Variants in CADM1 observed in about 807,000 individuals in gnomAD.
CADM1 encodes cell adhesion molecule 1.
CADM1 carries 15 observed loss-of-function variants against 53.1 expected under a neutral mutation model. The ratio of observed to expected loss-of-function variants is 0.28; its 90% CI spans 0.19 to 0.44. The LOEUF is 0.44. Among genes scored for constraint, CADM1 ranks in the 20% least tolerant of loss-of-function variants. The probability of loss-of-function intolerance (pLI) is 1.00; values close to 1 mark genes in which losing one functional copy is unlikely to be tolerated. For synonymous variants in CADM1, 281 were observed against 243.0 expected, an observed-to-expected ratio of 1.16 and a Z score of -1.45; for missense variants, 434 against 611.3, an observed-to-expected ratio of 0.71 and a Z score of 3.06.
intron 1 of CADM1, among the ~76,000 whole-genome samples, chr11:115,389,146 CAGAG>C (rs1181050746): frequency 1.3e-5 from 2 of 151,980 alleles, no homozygotes; most frequent in Non-Finnish European, 2.9e-5. Context: ...GTGAAAAAGA[CAGAG>C]GGAGAGTTCA....
intron 1 of CADM1, 56 bp downstream of exon 1, chr11:115,504,215 G>A: frequency 6.4e-7 from 1 of 1,555,436 alleles, no homozygotes; most frequent in Non-Finnish European, 8.7e-7. Flanking sequence ...CTGTGGCCAA[G>A]GCTACTGGGG....
intron 1 of CADM1, among the ~76,000 whole-genome samples, chr11:115,386,375 CAAAG>C (rs1946698777): frequency 6.6e-6 from 1 of 152,106 alleles, no homozygotes; most frequent in Admixed American, 6.5e-5. Flanking sequence ...GTTAAAAAAA[CAAAG>C]ACACATGTCT....
At chr11:115,219,567 T>C (rs1047548228) in intron 5 of CADM1, among the ~76,000 whole-genome samples, 2 of 152,162 alleles carry the variant, frequency 1.3e-5, no homozygotes, top group African/African-American at 4.8e-5. Flanking sequence ...CTTGGACACG[T>C]TGGCAAAGAA....
At chr11:115,434,861 T>TA (rs1948145111) in intron 1 of CADM1, among the ~76,000 whole-genome samples, 1 of 59,724 alleles carries the variant, frequency 1.7e-5, no homozygotes, top group South Asian at 4.0e-4. Flanking sequence ...ATTATTATTA[T>TA]TATTTTTTTT....
intron 8 of CADM1, among the ~76,000 whole-genome samples, chr11:115,207,049 C>A (rs1940732974): frequency 6.6e-6 from 1 of 151,974 alleles, no homozygotes; most frequent in African/African-American, 2.4e-5. Flanking sequence ...ATGTTAAATT[C>A]TACAAGTGTA....
At chr11:115,299,062 T>C (rs2135130526) in intron 1 of CADM1, among the ~76,000 whole-genome samples, 1 of 152,334 alleles carries the variant, frequency 6.6e-6, no homozygotes, top group South Asian at 2.1e-4. Context: ...TTTCAAGATA[T>C]CACTAACTCA....
chr11:115,286,703 AG>A (rs1943737590), intron 1 of CADM1, among the ~76,000 whole-genome samples: 1 of 152,172 alleles, frequency 6.6e-6, no homozygotes, highest in Non-Finnish European at 1.5e-5. Context: ...TGTTCTGCAT[AG>A]GGCCTGTCTT....
At chr11:115,238,419 C>T (rs1379524721) in intron 3 of CADM1, 81 bp downstream of exon 3, 1 of 1,437,968 alleles carries the variant, frequency 7.0e-7, no homozygotes, top group Non-Finnish European at 9.8e-7. Flanking sequence ...CAGGAGAATT[C>T]ACCATTAACC....
At chr11:115,391,945 G>A (rs1470472383) in intron 1 of CADM1, among the ~76,000 whole-genome samples, 1 of 152,112 alleles carries the variant, frequency 6.6e-6, no homozygotes, top group Non-Finnish European at 1.5e-5. Flanking sequence ...ACAGAGCACA[G>A]AATTAAATCT....
In CADM1 at chr11:115,308,211, T is replaced by TATATATATATATATATACAC. The variant is rs139012671; in HGVS notation, c.125-67792_125-67791insGTGTATATATATATATATAT. Among the ~76,000 whole-genome samples the TATATATATATATATATACAC allele has an allele frequency of 2.7e-3, 378 of 139,396 alleles. 2 individuals carry two copies. The highest frequency in any genetic ancestry group is 0.011 in the Middle Eastern group (3 of 276). 91.4% of individuals were successfully genotyped at this position (139,396 alleles called of 152,430 possible). On this transcript the variant is annotated intron_variant, in intron 1 of 11. Coordinates refer to ENST00000331581, the MANE Select transcript of CADM1 (RefSeq NM_001301043.2). Reference sequence around the variant, plus strand: ...ATAGGTGTGTATATATATATATATATACACACCTATGAGAAGGTTTTTGTC... The same window carrying TATATATATATATATATACAC: ...ATAGGTGTGTATATATATATATATATATATATATATATATATACACACACACCTATGAGAAGGTTTTTGTC...
At chr11:115,422,236 C>A (rs2135272618) in intron 1 of CADM1, among the ~76,000 whole-genome samples, 1 of 152,258 alleles carries the variant, frequency 6.6e-6, no homozygotes, top group South Asian at 2.1e-4. Flanking sequence ...CGCTCTCAGA[C>A]AGACTATTTC....
At chr11:115,431,517 C>T (rs1463320585) in intron 1 of CADM1, among the ~76,000 whole-genome samples, 1 of 152,100 alleles carries the variant, frequency 6.6e-6, no homozygotes, top group Non-Finnish European at 1.5e-5. Flanking sequence ...CATGTTACCC[C>T]TCATGAATTG....
intron 1 of CADM1, among the ~76,000 whole-genome samples, chr11:115,434,717 T>C (rs2135305903): frequency 6.6e-6 from 1 of 152,216 alleles, no homozygotes; most frequent in African/African-American, 2.4e-5. Context: ...CTCTCCCCCT[T>C]GCCACTCTTC....
intron 1 of CADM1, among the ~76,000 whole-genome samples, chr11:115,288,513 G>C (rs2014270): frequency 0.095 from 14,406 of 151,790 alleles, 925 homozygotes; most frequent in South Asian, 0.28. Flanking sequence ...TTTCAAATCA[G>C]TTTATGCTAA....
intron 1 of CADM1, among the ~76,000 whole-genome samples, chr11:115,483,288 G>A (rs1416034831): frequency 2.0e-5 from 3 of 152,114 alleles, no homozygotes; most frequent in Non-Finnish European, 4.4e-5. Context: ...CATTAACCTG[G>A]CAGTCAAAAC....
chr11:115,195,922 G>T (rs45620533), intron 9 of CADM1, among the ~76,000 whole-genome samples: 3 of 152,164 alleles, frequency 2.0e-5, no homozygotes, highest in Non-Finnish European at 4.4e-5. Context: ...GTATTTATAA[G>T]TGTATTATAC....
chr11:115,330,615 A>T (rs929044662), intron 1 of CADM1, among the ~76,000 whole-genome samples: 3 of 152,044 alleles, frequency 2.0e-5, no homozygotes, highest in African/African-American at 4.8e-5. Context: ...AGTGTTGGGG[A>T]TTCAGTGAGA....
chr11:115,197,034 T>C (rs1022548525), intron 9 of CADM1, among the ~76,000 whole-genome samples: 2 of 152,198 alleles, frequency 1.3e-5, no homozygotes, highest in African/African-American at 2.4e-5. Flanking sequence ...AGTTATTTTA[T>C]GAACTTTTCC....
At chr11:115,384,451 A>C (rs1238985200) in intron 1 of CADM1, among the ~76,000 whole-genome samples, 1 of 152,220 alleles carries the variant, frequency 6.6e-6, no homozygotes, top group Non-Finnish European at 1.5e-5. Flanking sequence ...ACTCAAGTAC[A>C]CAGTGTGATT....
Sources: gnomAD v4.1 joint callset for allele counts (sites outside exome capture counted in the v4.1 genomes callset) on GRCh38, gnomAD v4.1.1 for gene constraint, MANE v1.5 for transcripts, NCBI Gene and HGNC (gene_info 2026-07-23, HGNC 2026-07-21) for gene names.